Variants in EIF2AK1 observed in about 807,000 individuals in gnomAD.
EIF2AK1 encodes eukaryotic translation initiation factor 2-alpha kinase 1.
In EIF2AK1, 54 loss-of-function variants were observed where a neutral mutation model predicts 77.9. The observed-to-expected ratio is 0.69, with a 90% CI of 0.56 to 0.87. The LOEUF (loss-of-function observed/expected upper bound fraction) is 0.87. EIF2AK1 is among the 40% of genes least tolerant of loss of function. The pLI, the probability that EIF2AK1 is intolerant of heterozygous loss-of-function variation, is 0.00. For synonymous variants in EIF2AK1, 314 were observed against 290.5 expected (o/e 1.08, Z -0.82); for missense variants, 810 against 768.6 (o/e 1.05, Z -0.64).
chr7:6,043,121 C>A (rs964606927), intron 7 of EIF2AK1, 128 bp from the exon 8 acceptor site: 13 of 896,164 alleles, frequency 1.5e-5, no homozygotes, highest in Non-Finnish European at 2.1e-5. Context: ...GACCTTCTGG[C>A]AAAATACAAA....
chr7:6,029,508 C>T (rs146138505), intron 11 of EIF2AK1, among the ~76,000 whole-genome samples: 2 of 151,376 alleles, frequency 1.3e-5, no homozygotes, highest in Non-Finnish European at 2.9e-5. Context: ...AAAAAAAAAC[C>T]TCAACATTCA....
At chr7:6,057,993 C>A (rs1788835373) in intron 1 of EIF2AK1, among the ~76,000 whole-genome samples, 1 of 152,084 alleles carries the variant, frequency 6.6e-6, no homozygotes, top group Non-Finnish European at 1.5e-5. Context: ...CAACTAAAGA[C>A]TCTATTTCAC....
At chr7:6,049,547 C>T (rs567432285) in intron 3 of EIF2AK1, among the ~76,000 whole-genome samples, 2 of 151,422 alleles carry the variant, frequency 1.3e-5, no homozygotes, top group African/African-American at 2.4e-5. Context: ...TGTCTCAAAA[C>T]GAAACAAAAC....
At chr7:6,030,194 G>C (rs544417424) in intron 11 of EIF2AK1, among the ~76,000 whole-genome samples, 2 of 152,230 alleles carry the variant, frequency 1.3e-5, no homozygotes, top group Admixed American at 1.3e-4. Context: ...AGGGAAGAAA[G>C]TTTCATTACT....
Position 6,028,958 on chromosome 7 carries a change from G to T in EIF2AK1, c.1407C>A (p.Ile469=). The change falls in exon 12 of 15, where the codon ATC becomes ATA. Residue 469 remains isoleucine, a synonymous_variant. Transcript: ENST00000199389. ...TGGTCCAGTCTGTGTTCTTCTGTAG[G>T]ATGTCTGTGCAGGCCAGACCAAAGT... is the stretch of plus-strand genomic sequence containing the variant. ...IGDFGLACTD[I]LQKNTDWTNR... is the part of the protein sequence containing the mutation. 6.2e-7 allele frequency: 1 copy of T among 1,610,884 alleles called. No homozygotes were observed. The highest frequency in any genetic ancestry group is 1.1e-5 in the South Asian group (1 of 90,216).
chr7:6,048,939 G>T, intron 3 of EIF2AK1, 95 bp from the exon 4 acceptor site: 3 of 763,456 alleles, frequency 3.9e-6, no homozygotes, highest in South Asian at 1.8e-5. Flanking sequence ...AACCCCAAAT[G>T]CATAAACAAT....
Position 6,027,903 on chromosome 7 carries a change from AT to A in EIF2AK1, c.1530+711del, listed in dbSNP as rs757506007. 3.3e-5 allele frequency: 15 copies of A among 448,976 alleles called. No homozygotes were observed. Among genetic ancestry groups the A allele is most frequent in the South Asian group, 1.1e-4 (7 of 63,618 alleles). 27.8% of individuals were successfully genotyped at this position (448,976 alleles called of 1,614,324 possible). ...AAAGCAAGACCCATCTCTACAAATA[AT>A]TTTTTTTATTAGCTGGGTGTGGTAG... On this transcript the variant is annotated intron_variant, in intron 13 of 14. Transcript: ENST00000199389. The surrounding 1 kb of genome is among the most constrained non-coding windows in gnomAD (Gnocchi z 4.5).
At chr7:6,044,509 A>G (rs1201056715) in intron 7 of EIF2AK1, 53 bp downstream of exon 7, 1 of 1,471,470 alleles carries the variant, frequency 6.8e-7, no homozygotes, top group Non-Finnish European at 9.4e-7. Flanking sequence ...GATTTGGTGC[A>G]CGGGCTAAAG....
rs1562756853 is a variant in EIF2AK1 at position 6,049,895 on chromosome 7, TA to T, written c.411+16del. 9 of 1,598,448 alleles carry T rather than the reference TA, an allele frequency of 5.6e-6. No homozygotes were observed. The highest frequency in any genetic ancestry group is 6.8e-6 in the Non-Finnish European group (8 of 1,175,578). On this transcript the variant is annotated intron_variant, in intron 3 of 14. Transcript: ENST00000199389. The stretch of plus-strand genomic sequence containing the variant: ...GTATATTTTTGTCATACCCAAAGTA[TA>T]TTTTTTAGGGCTTACCTGACGAACT...
In EIF2AK1 at chr7:6,035,467, T is replaced by A. The variant is rs926064597; in HGVS notation, c.1332+1957A>T. ...AGGGACACGACAGGCCTCACCACAC[T>A]CAACTTAATGCTACTGCACTGGCCA... On this transcript the variant is annotated intron_variant, in intron 11 of 14. Transcript: ENST00000199389. This position sits in a 1 kb window ranked among gnomAD's most constrained non-coding sequence, Gnocchi z 5.5. 8 of 1,550,548 alleles carry A rather than the reference T, an allele frequency of 5.2e-6. No individual in the cohort carries two copies. The African/African-American group carries it at 1.1e-4, about 21-fold the overall frequency.
chr7:6,027,240 C>G lies in EIF2AK1; in HGVS notation c.1531-279G>C, dbSNP rs1207641525. Among the ~76,000 whole-genome samples, 2 of 152,172 alleles carry G rather than the reference C, an allele frequency of 1.3e-5. No individual in the cohort carries two copies. The highest frequency in any genetic ancestry group is 2.4e-5 in the African/African-American group (1 of 41,436). On this transcript the variant is annotated intron_variant, in intron 13 of 14. Transcript: ENST00000199389. The surrounding 1 kb of genome is among the most constrained non-coding windows in gnomAD (Gnocchi z 4.5). ...GACCATACAACTGTCTTCAGCACCCCTTAACAATCCAGGCCTGACCCAGGC... is the reference window on the plus strand; with the variant it reads ...GACCATACAACTGTCTTCAGCACCCGTTAACAATCCAGGCCTGACCCAGGC...
rs185786356 is a variant in EIF2AK1, at chr7:6,046,122, A to G, written c.579T>C (p.Tyr193=). Residue 193 remains tyrosine, a synonymous_variant, in exon 6 of 15, where the codon TAT becomes TAC. Coordinates refer to ENST00000199389, the MANE Select transcript of EIF2AK1 (RefSeq NM_014413.4). The part of the protein sequence containing the change: ...KVRNKLDGQY[Y]AIKKILIKGA... ...CCTTAATCAGGATTTTTTTTATTGC[A>G]TAATACTGACCATCTAATTTATTCC... is the stretch of plus-strand genomic sequence containing the variant. 224 of 1,571,234 alleles carry G rather than the reference A, an allele frequency of 1.4e-4. No homozygotes were observed. The highest frequency in any genetic ancestry group is 6.0e-4 in the Admixed American group (30 of 49,644).
intron 5 of EIF2AK1, 152 bp from the exon 6 acceptor site, chr7:6,046,303 G>T: frequency 2.4e-6 from 1 of 416,764 alleles, no homozygotes; most frequent in South Asian, 5.2e-5. Context: ...AGGGAAGTCA[G>T]CCGGACTAAG....
At chr7:6,038,015 C>T (rs949439859) in intron 10 of EIF2AK1, among the ~76,000 whole-genome samples, 13 of 152,076 alleles carry the variant, frequency 8.5e-5, no homozygotes, top group African/African-American at 3.1e-4. Context: ...GAATGCCTCA[C>T]TTTCCAAAAA....
chr7:6,051,276 T>TC (rs1449860653), intron 2 of EIF2AK1, among the ~76,000 whole-genome samples: 3 of 149,796 alleles, frequency 2.0e-5, no homozygotes, highest in Admixed American at 6.7e-5. Flanking sequence ...TTTCTTTCTT[T>TC]TTTTTTTTTT....
In EIF2AK1 at chr7:6,037,411, C is replaced by T. The variant is rs746786176; in HGVS notation, c.1332+13G>A. The T allele has an allele frequency of 2.5e-5, 39 of 1,559,790 alleles. No individual in the cohort carries two copies. Among genetic ancestry groups the T allele is most frequent in the Middle Eastern group, 3.3e-4 (2 of 5,980 alleles). Reference sequence around the variant, plus strand: ...CTCCCACTGCTTTCAATGATTTCATCGCCCCCACTTACCTTCAGATCTCGG... The same window carrying T: ...CTCCCACTGCTTTCAATGATTTCATTGCCCCCACTTACCTTCAGATCTCGG... On this transcript the variant is annotated intron_variant, in intron 11 of 14. Transcript: ENST00000199389.
intron 1 of EIF2AK1, among the ~76,000 whole-genome samples, chr7:6,057,198 T>C (rs1788803708): frequency 1.4e-5 from 2 of 144,676 alleles, no homozygotes; most frequent in South Asian, 4.4e-4. Context: ...AGTGGCACGA[T>C]CTCAGCTCAC....
intron 5 of EIF2AK1, 44 bp from the exon 6 acceptor site, chr7:6,046,195 T>G (rs1788440830): frequency 1.8e-6 from 2 of 1,140,674 alleles, no homozygotes; most frequent in African/African-American, 3.2e-5. Flanking sequence ...GTCATTAAAC[T>G]TTAACTGAAT....
chr7:6,024,175 T>G lies in EIF2AK1; in HGVS notation c.*498A>C. ...TTGCACACTGTACACTGTTAAGAAG[T>G]TGAGCTTTTATCTTAGAGGCAGCAG... On this transcript the variant is annotated 3_prime_UTR_variant, in exon 15 of 15. Transcript: ENST00000199389. 7.9e-7 allele frequency: 1 copy of G among 1,269,680 alleles called. No individual in the cohort carries two copies. The highest frequency in any genetic ancestry group is 1.3e-5 in the South Asian group (1 of 79,160). 78.7% of individuals were successfully genotyped at this position (1,269,680 alleles called of 1,614,324 possible).
Sources: allele counts gnomAD v4.1 joint callset (sites outside exome capture counted in the v4.1 genomes callset), GRCh38; gene constraint gnomAD v4.1.1; non-coding constraint Gnocchi (gnomAD v3.1); transcripts MANE v1.5; gene names NCBI Gene and HGNC (gene_info 2026-07-23, HGNC 2026-07-21).